CSMD2: variants seen among roughly 807,000 people sequenced by gnomAD.
CSMD2 encodes the protein CUB and Sushi multiple domains 2.
In CSMD2, 130 loss-of-function variants were observed where a neutral mutation model predicts 398.5. The observed-to-expected ratio is 0.33, with a 90% CI of 0.28 to 0.38. CSMD2 has a LOEUF of 0.38. Ranked by LOEUF, CSMD2 falls within the 10% of genes least tolerant of loss-of-function variation. The pLI is 1.00. For synonymous variants in CSMD2, 1,828 were observed against 1,908.5 expected (o/e 0.96, Z 1.10); for missense variants, 3,829 against 4,764.9 (o/e 0.80, Z 5.78).
At position 33,518,387 on chromosome 1, in the gene CSMD2, GTA is replaced by G. The variant is rs1250295271; in HGVS notation, c.*53+1076_*53+1077del. On this transcript the variant is annotated intron_variant, in intron 70 of 70. Transcript: ENST00000373381. The surrounding 1 kb of genome is among the most constrained non-coding windows in gnomAD (Gnocchi z 4.3). Reference sequence around the variant, plus strand: ...GATGCATGCCTGTGTGCATGTATGCGTATGTGTGTGTGTGTGTGTGCATGACC... The same window carrying G: ...GATGCATGCCTGTGTGCATGTATGCGTGTGTGTGTGTGTGTGTGCATGACC... Among the ~76,000 whole-genome samples, 1 of 73,122 alleles carries G rather than the reference GTA, an allele frequency of 1.4e-5. No individual in the cohort carries two copies. The highest frequency in any genetic ancestry group is 2.8e-5 in the Non-Finnish European group (1 of 35,850). 48.0% of individuals were successfully genotyped at this position (73,122 alleles called of 152,430 possible).
At chr1:33,655,945 A>G (rs1643932819) in intron 27 of CSMD2, among the ~76,000 whole-genome samples, 1 of 152,176 alleles carries the variant, frequency 6.6e-6, no homozygotes, top group Admixed American at 6.5e-5. Context: ...ACTTGGGACA[A>G]TCTCATCTCA....
chr1:33,806,160 T>G (rs1402937203), intron 10 of CSMD2, among the ~76,000 whole-genome samples: 1 of 152,194 alleles, frequency 6.6e-6, no homozygotes. Context: ...GCACCCATAG[T>G]GTGAAGGTGA....
chr1:34,027,187 A>C (rs1336289704), intron 3 of CSMD2, among the ~76,000 whole-genome samples: 1 of 152,242 alleles, frequency 6.6e-6, no homozygotes. Context: ...AAGATAAGAA[A>C]AATTCTAACA....
chr1:34,098,755 A>C (rs1659661721), intron 1 of CSMD2, among the ~76,000 whole-genome samples: 1 of 152,210 alleles, frequency 6.6e-6, no homozygotes, highest in Admixed American at 6.5e-5. Context: ...CGCACCATAT[A>C]CAAAAATAAC....
In CSMD2 at chr1:33,623,253, T is replaced by TG. The variant is rs1244010000; in HGVS notation, c.5722+116dup. 1.1e-5 allele frequency: 8 copies of TG among 741,024 alleles called. No individual in the cohort carries two copies. The Admixed American group carries it at 1.9e-4, about 18-fold the overall frequency. The allele number at this position is 741,024 out of a possible 1,614,324, so 45.9% of individuals were successfully genotyped here. The stretch of plus-strand genomic sequence containing the variant: ...AACCACTGATGTGTCCACTTGAAAA[T>TG]GGTGAATTTCATGGAATATAAGTGA... On this transcript the variant is annotated intron_variant, in intron 36 of 70. Transcript: ENST00000373381.
intron 44 of CSMD2, among the ~76,000 whole-genome samples, chr1:33,593,447 C>T (rs546010486): frequency 6.6e-6 from 1 of 152,304 alleles, no homozygotes; most frequent in African/African-American, 2.4e-5. Flanking sequence ...GGGGAGGCCT[C>T]ATAATCATGG....
At chr1:33,828,208 C>T (rs1264752225) in intron 6 of CSMD2, among the ~76,000 whole-genome samples, 1 of 152,224 alleles carries the variant, frequency 6.6e-6, no homozygotes, top group Non-Finnish European at 1.5e-5. Flanking sequence ...TTCCAATGAA[C>T]ACTAACATGG....
At chr1:33,905,259 G>C (rs1043638818) in intron 5 of CSMD2, among the ~76,000 whole-genome samples, 1 of 152,184 alleles carries the variant, frequency 6.6e-6, no homozygotes, top group Non-Finnish European at 1.5e-5. Context: ...AAAGAGAGGA[G>C]AGTCCCAGGA....
At chr1:33,935,162 G>T (rs1379209473) in intron 4 of CSMD2, among the ~76,000 whole-genome samples, 1 of 152,106 alleles carries the variant, frequency 6.6e-6, no homozygotes, top group Non-Finnish European at 1.5e-5. Flanking sequence ...TCCAGGATGC[G>T]GAACTTTCAG....
intron 1 of CSMD2, among the ~76,000 whole-genome samples, chr1:34,133,585 T>G (rs1193791971): frequency 6.6e-6 from 1 of 151,650 alleles, no homozygotes; most frequent in Non-Finnish European, 1.5e-5. Flanking sequence ...GAGCCAATAT[T>G]GCACCACTGC....
chr1:33,915,266 T>C (rs540062627), intron 5 of CSMD2, among the ~76,000 whole-genome samples: 2 of 152,218 alleles, frequency 1.3e-5, no homozygotes, highest in African/African-American at 2.4e-5. Context: ...AAAAGCAGTA[T>C]ACTCATAAAC....
At chr1:33,842,498 C>T (rs1016273126) in intron 6 of CSMD2, among the ~76,000 whole-genome samples, 2 of 152,068 alleles carry the variant, frequency 1.3e-5, no homozygotes, top group African/African-American at 4.8e-5. Flanking sequence ...TCTCAGTGCT[C>T]GCTACCTATC....
chr1:33,519,307 G>A lies in CSMD2; in HGVS notation c.*53+158C>T, dbSNP rs1045699287. On this transcript the variant is annotated intron_variant, in intron 70 of 70. Transcript: ENST00000373381. The surrounding 1 kb of genome is among the most constrained non-coding windows in gnomAD (Gnocchi z 5.6). ...AATATATTAGATCCACAAAGGGCCT[G>A]GTTCAGTGCCTGTTACACAATGATG... is the stretch of plus-strand genomic sequence containing the variant. Among the ~76,000 whole-genome samples the A allele has an allele frequency of 6.6e-6, 1 of 152,218 alleles. No individual in the cohort carries two copies. The highest frequency in any genetic ancestry group is 2.4e-5 in the African/African-American group (1 of 41,456).
upstream of CSMD2, chr1:34,165,328 G>A (rs961058135): frequency 8.3e-7 from 1 of 1,199,684 alleles, no homozygotes; most frequent in Non-Finnish European, 1.0e-6. Flanking sequence ...GGGGCGGGAG[G>A]GGGTGAATTA....
Position 33,871,666 on chromosome 1 carries a change from GAGTGTAGT to G in CSMD2, c.921-24678_921-24671del. 2.6e-5 allele frequency among the ~76,000 whole-genome samples: 4 copies of G among 152,284 alleles called. 1 individual carries two copies. In the South Asian group the frequency reaches 8.3e-4, roughly 32 times the overall value. ...GAGTCTCGCTCTGTTGCCCAGGCTG[GAGTGTAGT>G]AGCGTGATCTCGGCTCACTACAGCC... On this transcript the variant is annotated intron_variant, in intron 5 of 70. Transcript: ENST00000373381.
chr1:33,544,461 C>T (rs1055112222), intron 57 of CSMD2, among the ~76,000 whole-genome samples: 14 of 152,190 alleles, frequency 9.2e-5, no homozygotes, highest in Admixed American at 5.9e-4. Context: ...CGGGAATTAG[C>T]CATTTCTCCA....
At chr1:33,725,272 G>C in intron 17 of CSMD2, 77 bp downstream of exon 17, 1 of 1,251,290 alleles carries the variant, frequency 8.0e-7, no homozygotes, top group Non-Finnish European at 1.2e-6. Flanking sequence ...GGGGCCTGTG[G>C]TGGAGCACAG....
At chr1:33,922,231 C>T (rs1643966955) in intron 4 of CSMD2, among the ~76,000 whole-genome samples, 1 of 152,142 alleles carries the variant, frequency 6.6e-6, no homozygotes, top group South Asian at 2.1e-4. Context: ...GCTCCCACCA[C>T]AGGAGTGGAG....
At chr1:33,935,266 TC>T (rs1285428105) in intron 4 of CSMD2, among the ~76,000 whole-genome samples, 1 of 152,072 alleles carries the variant, frequency 6.6e-6, no homozygotes, top group African/African-American at 2.4e-5. Context: ...GAGGTGTTTT[TC>T]TGGGGGAGGG....
Sources: allele counts gnomAD v4.1 joint callset (sites outside exome capture counted in the v4.1 genomes callset), GRCh38; gene constraint gnomAD v4.1.1; non-coding constraint Gnocchi (gnomAD v3.1); transcripts MANE v1.5; gene names NCBI Gene and HGNC (gene_info 2026-07-23, HGNC 2026-07-21).